Variants in DNAH14 observed in about 807,000 individuals in gnomAD.
The protein encoded by DNAH14 is dynein axonemal heavy chain 14, also known as axonemal beta dynein heavy chain 14.
In DNAH14, 478 loss-of-function variants were observed where a neutral mutation model predicts 520.9. The ratio of observed to expected loss-of-function variants is 0.92; its 90% CI spans 0.85 to 0.99. The LOEUF is 0.99. Among genes scored for constraint, DNAH14 ranks in the 50% least tolerant of loss-of-function variants. DNAH14 has a pLI of 0.00. For missense variants in DNAH14, 4,831 were observed against 5,234.5 expected, an observed-to-expected ratio of 0.92 and a Z score of 2.38; for synonymous variants, 1,581 against 1,757.2, an observed-to-expected ratio of 0.90 and a Z score of 2.51.
intron 11 of DNAH14, among the ~76,000 whole-genome samples, chr1:225,030,868 CT>C (rs2066471435): frequency 6.6e-6 from 1 of 151,856 alleles, no homozygotes; most frequent in Non-Finnish European, 1.5e-5. Context: ...AATTCATTTA[CT>C]TTTTCATATA....
At chr1:225,313,172 G>T (rs2094402396) in intron 60 of DNAH14, among the ~76,000 whole-genome samples, 2 of 152,262 alleles carry the variant, frequency 1.3e-5, no homozygotes, top group Middle Eastern at 3.4e-3. Context: ...TTTAGTCTTG[G>T]GAGGGTGTAT....
At chr1:225,088,659 C>T (rs2074045132) in intron 21 of DNAH14, among the ~76,000 whole-genome samples, 2 of 152,068 alleles carry the variant, frequency 1.3e-5, no homozygotes, top group South Asian at 4.1e-4. Flanking sequence ...ACCATAAAGA[C>T]ATAGATTTAC....
In DNAH14 at chr1:225,324,741, T is replaced by C. The variant is rs571830643; in HGVS notation, c.9632T>C (p.Val3211Ala). 3 of 1,551,304 alleles carry C rather than the reference T, an allele frequency of 1.9e-6. No homozygotes were observed. Among genetic ancestry groups the C allele is most frequent in the East Asian group, 2.4e-5 (1 of 40,888 alleles). Residue 3211 changes from valine (V) to alanine (A), a missense_variant, in exon 64 of 86, where the codon GTG becomes GCG. By Grantham distance (64) the Val-to-Ala change is moderately conservative. Coordinates refer to ENST00000682510, the MANE Select transcript of DNAH14 (RefSeq NM_001367479.1). ...LNNYHEVQKVVGPKQIQVAEA... is the reference protein window; with the variant it reads ...LNNYHEVQKVAGPKQIQVAEA... ...TGTTCTGACATTCTCTTTAAGGTTG[T>C]GGGCCCTAAACAAATCCAAGTAGCT... is the stretch of plus-strand genomic sequence containing the variant.
chr1:225,045,887 A>G (rs76538004), intron 15 of DNAH14, among the ~76,000 whole-genome samples: 3 of 152,094 alleles, frequency 2.0e-5, no homozygotes, highest in East Asian at 1.9e-4. Flanking sequence ...TTCTCCTGAA[A>G]ATTTTGCCCA....
rs12041250 is a variant in DNAH14 at position 225,079,768 on chromosome 1, G to A, written c.2766+220G>A. On this transcript the variant is annotated intron_variant, in intron 18 of 85. Coordinates refer to ENST00000682510, the MANE Select transcript of DNAH14 (RefSeq NM_001367479.1). ...GGCTCACTGCAAGCTCCGCCTCCCGGGTTCACGCCATTCTCCTGCCTCAGC... is the reference window on the plus strand; with the variant it reads ...GGCTCACTGCAAGCTCCGCCTCCCGAGTTCACGCCATTCTCCTGCCTCAGC... Among the ~76,000 whole-genome samples the A allele has an allele frequency of 2.0e-3, 293 of 144,056 alleles. 8 individuals are homozygous for A. In the East Asian group the frequency reaches 0.053, roughly 26 times the overall value. 94.5% of individuals were successfully genotyped at this position (144,056 alleles called of 152,430 possible).
At chr1:225,259,311 A>G in intron 46 of DNAH14, 58 bp downstream of exon 46, 1 of 1,219,606 alleles carries the variant, frequency 8.2e-7, no homozygotes, top group Non-Finnish European at 1.1e-6. Flanking sequence ...GTGCTTTAAT[A>G]TATAAATATG....
chr1:225,371,888 G>T (rs1398768048), intron 77 of DNAH14, among the ~76,000 whole-genome samples: 1 of 152,144 alleles, frequency 6.6e-6, no homozygotes, highest in Non-Finnish European at 1.5e-5. Context: ...GCATAAATTA[G>T]GGAGAAAAGA....
At chr1:225,335,498 C>CATATATACAT (rs1272969286) in intron 66 of DNAH14, among the ~76,000 whole-genome samples, 3 of 70,398 alleles carry the variant, frequency 4.3e-5, no homozygotes, top group African/African-American at 1.4e-4. Flanking sequence ...CACGTGTGTA[C>CATATATACAT]ATGTACACAT....
chr1:225,352,622 A>AT (rs988067016), intron 72 of DNAH14, among the ~76,000 whole-genome samples: 6 of 151,842 alleles, frequency 4.0e-5, no homozygotes, highest in Admixed American at 2.0e-4. Flanking sequence ...AGGAGTATTG[A>AT]TTTTTTTTAA....
intron 10 of DNAH14, among the ~76,000 whole-genome samples, chr1:225,012,904 A>G (rs1385327423): frequency 1.3e-5 from 2 of 152,134 alleles, no homozygotes; most frequent in Admixed American, 1.3e-4. Context: ...ATTGGGTTAG[A>G]ACATGCTGCT....
chr1:225,324,833 G>A lies in DNAH14; in HGVS notation c.9723+1G>A, dbSNP rs1170668428. ...TGAGAAACAAAGAGGTTTACAGCTG[G>A]TAAGAAATACAGTTCAGTTCTCAAA... On this transcript the variant is annotated splice_donor_variant, in intron 64 of 85. Coordinates refer to ENST00000682510, the MANE Select transcript of DNAH14 (RefSeq NM_001367479.1). LOFTEE classifies it high-confidence loss of function. The A allele has an allele frequency of 2.6e-6, 4 of 1,550,166 alleles. No individual in the cohort carries two copies. Among genetic ancestry groups the A allele is most frequent in the Non-Finnish European group, 3.5e-6 (4 of 1,145,908 alleles).
intron 17 of DNAH14, among the ~76,000 whole-genome samples, chr1:225,067,308 A>C (rs1012328525): frequency 6.6e-6 from 1 of 152,132 alleles, no homozygotes; most frequent in Non-Finnish European, 1.5e-5. Flanking sequence ...CATTCTTTTT[A>C]TGGCTGCATA....
chr1:225,225,021 C>T (rs780319280), intron 41 of DNAH14, among the ~76,000 whole-genome samples: 27 of 152,176 alleles, frequency 1.8e-4, no homozygotes, highest in Non-Finnish European at 3.2e-4. Context: ...GGCCCATTGG[C>T]TTATGGCAAT....
intron 41 of DNAH14, among the ~76,000 whole-genome samples, chr1:225,212,982 C>A (rs1280083124): frequency 6.6e-6 from 1 of 152,018 alleles, no homozygotes; most frequent in Non-Finnish European, 1.5e-5. Flanking sequence ...AAGTCCTTGC[C>A]CATGCCTATG....
chr1:225,209,645 TAATATC>T (rs1054201129), intron 41 of DNAH14, among the ~76,000 whole-genome samples: 14 of 152,294 alleles, frequency 9.2e-5, no homozygotes, highest in South Asian at 8.3e-4. Flanking sequence ...CAAGATTTGT[TAATATC>T]AATATGGTTC....
intron 20 of DNAH14, among the ~76,000 whole-genome samples, chr1:225,083,644 T>C (rs1056848462): frequency 6.6e-6 from 1 of 152,178 alleles, no homozygotes; most frequent in Non-Finnish European, 1.5e-5. Context: ...ATTCTTCCAA[T>C]TGTTTACACT....
At chr1:225,354,116 TC>T (rs1156370005) in intron 73 of DNAH14, 1 of 704,612 alleles carries the variant, frequency 1.4e-6, no homozygotes, top group Non-Finnish European at 2.6e-6. Flanking sequence ...TCATTTATTC[TC>T]CCCCAGAAAG....
At chr1:225,305,152 A>G (rs1291143379) in intron 58 of DNAH14, 63 bp downstream of exon 58, 2 of 1,474,452 alleles carry the variant, frequency 1.4e-6, no homozygotes, top group African/African-American at 1.5e-5. Context: ...GCGAAAAGAG[A>G]CACAAATGCA....
At chr1:224,982,385 T>A (rs76902214) in intron 8 of DNAH14, among the ~76,000 whole-genome samples, 8,375 of 152,278 alleles carry the variant, frequency 0.055, 466 homozygotes, top group East Asian at 0.23. Context: ...GGTCAGGGTC[T>A]GCTAATGCAC....
Sources: gnomAD v4.1 joint callset for allele counts (sites outside exome capture counted in the v4.1 genomes callset) on GRCh38, gnomAD v4.1.1 for gene constraint, MANE v1.5 for transcripts, NCBI Gene and HGNC (gene_info 2026-07-23, HGNC 2026-07-21) for gene names.